The following NRG1 variants were observed in gnomAD, a reference collection of about 807,000 sequenced individuals.
NRG1 encodes the protein neuregulin 1, also known as pro-neuregulin-1, membrane-bound isoform.
A neutral mutation model predicts 63.8 loss-of-function variants in NRG1; 18 were observed. That is an observed-to-expected ratio of 0.28 (90% CI 0.19 to 0.42). The LOEUF (loss-of-function observed/expected upper bound fraction) is 0.42, where lower values mean the gene tolerates loss of function less well. Among genes scored for constraint, NRG1 ranks in the 10% least tolerant of loss-of-function variants. The pLI is 1.00. For missense variants in NRG1, 762 were observed against 814.7 expected (o/e 0.94, Z 0.79); for synonymous variants, 302 against 301.3 (o/e 1.00, Z -0.02).
chr8:32,730,561 T>A (rs1458719727), intron 6 of NRG1, among the ~76,000 whole-genome samples: 2 of 152,232 alleles, frequency 1.3e-5, no homozygotes, highest in Non-Finnish European at 2.9e-5. Context: ...AAAAATAATC[T>A]TAGAGATTCA....
At chr8:32,568,335 C>A (rs889149465) in intron 1 of NRG1, among the ~76,000 whole-genome samples, 1 of 152,146 alleles carries the variant, frequency 6.6e-6, no homozygotes, top group Non-Finnish European at 1.5e-5. Context: ...GCTTTTTATG[C>A]TTTACACTGT....
At chr8:32,127,822 A>T (rs779822532) in intron 1 of NRG1, among the ~76,000 whole-genome samples, 5 of 151,746 alleles carry the variant, frequency 3.3e-5, no homozygotes, top group Non-Finnish European at 7.4e-5. Context: ...GCTACTCGGG[A>T]AGCTGAGGTA....
chr8:32,593,808 A>G (rs553411575), intron 1 of NRG1, among the ~76,000 whole-genome samples: 6 of 151,984 alleles, frequency 3.9e-5, no homozygotes, highest in African/African-American at 1.4e-4. Context: ...CACATTTTAA[A>G]AAGACTTCTA....
intron 3 of NRG1, among the ~76,000 whole-genome samples, chr8:32,608,092 G>GTTTTTTTTTTTTTTT (rs1226154193): frequency 3.8e-5 from 4 of 106,154 alleles, no homozygotes; most frequent in African/African-American, 6.7e-5. Flanking sequence ...GGTTTTTTTT[G>GTTTTTTTTTTTTTTT]TTTTTTTTTT....
At chr8:31,707,657 TG>T (rs1427300212) in intron 1 of NRG1, among the ~76,000 whole-genome samples, 4 of 152,196 alleles carry the variant, frequency 2.6e-5, no homozygotes, top group Admixed American at 6.5e-5. Context: ...TTTCCTCTAA[TG>T]GTGCTTTAAA....
intron 5 of NRG1, among the ~76,000 whole-genome samples, chr8:32,632,822 T>C (rs975839303): frequency 3.9e-5 from 6 of 152,232 alleles, no homozygotes; most frequent in Non-Finnish European, 7.3e-5. Context: ...TGATAGCTTG[T>C]AAGTTTAATT....
chr8:32,285,946 G>A (rs901561), intron 1 of NRG1, among the ~76,000 whole-genome samples: 111,105 of 152,046 alleles, frequency 0.73, 41,644 homozygotes, highest in African/African-American at 0.91. Context: ...GATCTTTTGG[G>A]ATGTGGGTGT....
At chr8:31,956,005 C>T (rs965256142) in intron 1 of NRG1, among the ~76,000 whole-genome samples, 1 of 147,944 alleles carries the variant, frequency 6.8e-6, no homozygotes, top group African/African-American at 2.5e-5. Flanking sequence ...CATAGCACTC[C>T]ACTCCATCCC....
intron 1 of NRG1, among the ~76,000 whole-genome samples, chr8:31,798,596 G>A (rs1258561018): frequency 6.6e-6 from 1 of 152,138 alleles, no homozygotes; most frequent in Admixed American, 6.6e-5. Context: ...CAGTGCCATT[G>A]ACTGTTTGCT....
intron 1 of NRG1, among the ~76,000 whole-genome samples, chr8:31,857,107 C>A (rs942836071): frequency 1.3e-5 from 2 of 152,240 alleles, no homozygotes; most frequent in African/African-American, 4.8e-5. Flanking sequence ...CCTACAGAGG[C>A]AGGCAGGCCT....
At chr8:32,623,633 A>G (rs1848702873) in intron 5 of NRG1, among the ~76,000 whole-genome samples, 3 of 152,198 alleles carry the variant, frequency 2.0e-5, no homozygotes, top group South Asian at 2.1e-4. Flanking sequence ...TTTTTAGGAT[A>G]CTAGAGTGAC....
At chr8:32,618,939 A>G (rs1276666086) in intron 5 of NRG1, among the ~76,000 whole-genome samples, 1 of 152,200 alleles carries the variant, frequency 6.6e-6, no homozygotes, top group Non-Finnish European at 1.5e-5. Context: ...CTGGCTGGGC[A>G]TGGTCGCTCA....
intron 1 of NRG1, among the ~76,000 whole-genome samples, chr8:32,094,350 G>A (rs576611281): frequency 6.6e-6 from 1 of 152,178 alleles, no homozygotes; most frequent in Non-Finnish European, 1.5e-5. Flanking sequence ...CAAAGGAGGG[G>A]CAGCCCCATT....
chr8:32,149,558 T>G (rs931673423), intron 1 of NRG1, among the ~76,000 whole-genome samples: 1 of 152,190 alleles, frequency 6.6e-6, no homozygotes, highest in Non-Finnish European at 1.5e-5. Flanking sequence ...GGATTTGTGT[T>G]TATGGGCTTA....
chr8:32,517,235 C>T (rs1829915581), intron 1 of NRG1, among the ~76,000 whole-genome samples: 2 of 152,098 alleles, frequency 1.3e-5, no homozygotes, highest in Admixed American at 6.6e-5. Flanking sequence ...AAATTCCTTG[C>T]AGGTTTGTCT....
intron 1 of NRG1, among the ~76,000 whole-genome samples, chr8:32,281,995 T>G (rs1430446857): frequency 6.6e-6 from 1 of 152,240 alleles, no homozygotes; most frequent in South Asian, 2.1e-4. Context: ...GGCTTTAAGC[T>G]TCAAGTCAAG....
In NRG1 at chr8:32,041,001, T is replaced by C. The variant is rs1378711188; in HGVS notation, c.37+401570T>C. Among the ~76,000 whole-genome samples, 9 of 151,950 alleles carry C rather than the reference T, an allele frequency of 5.9e-5. No homozygotes were observed. The East Asian group carries it at 1.6e-3, about 26-fold the overall frequency. On this transcript the variant is annotated intron_variant, in intron 1 of 10. Coordinates refer to the NRG1 transcript ENST00000519301. ...GATGTTCTTATATTATTTTGGTATCTACATAAATGATTATTTGAAAAAATT... is the reference window on the plus strand; with the variant it reads ...GATGTTCTTATATTATTTTGGTATCCACATAAATGATTATTTGAAAAAATT...
intron 5 of NRG1, among the ~76,000 whole-genome samples, chr8:32,702,060 C>T (rs1226084586): frequency 6.6e-6 from 1 of 152,166 alleles, no homozygotes; most frequent in East Asian, 1.9e-4. Context: ...ATCTTTGAGA[C>T]TTGACTCACA....
intron 1 of NRG1, among the ~76,000 whole-genome samples, chr8:31,894,754 G>A (rs958168534): frequency 2.0e-5 from 3 of 151,974 alleles, no homozygotes; most frequent in African/African-American, 7.2e-5. Flanking sequence ...GTTTCACTGT[G>A]TTAGCCGGGA....
Sources: allele counts gnomAD v4.1 joint callset (sites outside exome capture counted in the v4.1 genomes callset), GRCh38; gene constraint gnomAD v4.1.1; transcripts MANE v1.5; gene names NCBI Gene and HGNC (gene_info 2026-07-23, HGNC 2026-07-21).